Variants in THEM4 observed in about 807,000 individuals in gnomAD.
The protein encoded by THEM4 is thioesterase superfamily member 4, also known as acyl-coenzyme A thioesterase THEM4.
Under a neutral mutation model 25.0 loss-of-function variants are expected in THEM4, and 22 were observed. That is an observed-to-expected ratio of 0.88 (90% CI 0.63 to 1.26). The LOEUF is 1.26. Among genes scored for constraint, THEM4 ranks in the 50% most tolerant of loss-of-function variants. The pLI is 0.00. For synonymous variants in THEM4, 113 were observed against 105.6 expected, an observed-to-expected ratio of 1.07 and a Z score of -0.43; for missense variants, 286 against 300.3, an observed-to-expected ratio of 0.95 and a Z score of 0.35.
chr1:151,890,261 GGTAA>G (rs1203910009), intron 2 of THEM4: 7 of 452,300 alleles, frequency 1.5e-5, no homozygotes, highest in Non-Finnish European at 3.1e-5. Flanking sequence ...ATATACTCTG[GGTAA>G]GTAATAGTGC....
intron 2 of THEM4, chr1:151,890,256 C>G (rs749400545): frequency 4.4e-6 from 2 of 454,970 alleles, no homozygotes; most frequent in South Asian, 3.1e-5. Flanking sequence ...GAACCATATA[C>G]TCTGGGTAAG....
intron 3 of THEM4, 107 bp downstream of exon 3, chr1:151,889,107 T>C (rs1654033236): frequency 1.3e-6 from 1 of 770,858 alleles, no homozygotes; most frequent in Middle Eastern, 4.0e-4. Flanking sequence ...TAAATATACA[T>C]CTATGTGACC....
chr1:151,879,179 G>A (rs1207185313), intron 4 of THEM4, among the ~76,000 whole-genome samples: 1 of 152,058 alleles, frequency 6.6e-6, no homozygotes, highest in African/African-American at 2.4e-5. Flanking sequence ...AAAATGATTA[G>A]AAAGCCTGAA....
chr1:151,886,133 T>C (rs1361717775), intron 4 of THEM4, among the ~76,000 whole-genome samples: 1 of 152,206 alleles, frequency 6.6e-6, no homozygotes, highest in African/African-American at 2.4e-5. Context: ...GTGAAGAGCA[T>C]CAGATTTGGT....
chr1:151,885,152 T>G (rs1055181189), intron 4 of THEM4, among the ~76,000 whole-genome samples: 12 of 151,760 alleles, frequency 7.9e-5, no homozygotes, highest in African/African-American at 2.9e-4. Context: ...GGAGTATCGC[T>G]CTGTTGCCCA....
rs1653635767 is a variant in THEM4 at position 151,874,745 on chromosome 1, CT to C, written c.*142del. On this transcript the variant is annotated 3_prime_UTR_variant, in exon 6 of 6. Coordinates refer to ENST00000368814, the MANE Select transcript of THEM4 (RefSeq NM_053055.5). The stretch of plus-strand genomic sequence containing the variant: ...GTTGAGAAGATGGAAACTGAATCCT[CT>C]TTGTATTCAGAAGGCTGTTTCGGAA... 1.8e-5 allele frequency: 14 copies of C among 757,710 alleles called. No homozygotes were observed. The East Asian group carries it at 3.5e-4, about 19-fold the overall frequency. 46.9% of individuals were successfully genotyped at this position (757,710 alleles called of 1,614,324 possible). A position where few individuals can be genotyped will look rare whatever the true frequency, so the allele number is the denominator to read the frequency against.
intron 1 of THEM4, among the ~76,000 whole-genome samples, chr1:151,903,056 T>C (rs1037182649): frequency 2.0e-5 from 3 of 152,148 alleles, no homozygotes; most frequent in Non-Finnish European, 4.4e-5. Context: ...GTCCTGACTT[T>C]GGAGTATCAG....
At chr1:151,906,329 T>G (rs1316083986) in intron 1 of THEM4, among the ~76,000 whole-genome samples, 4 of 152,254 alleles carry the variant, frequency 2.6e-5, no homozygotes, top group Non-Finnish European at 5.9e-5. Context: ...GCCGGCCCAC[T>G]GGCGCTGCGC....
intron 1 of THEM4, among the ~76,000 whole-genome samples, chr1:151,906,277 C>T (rs531059783): frequency 1.3e-5 from 2 of 152,346 alleles, no homozygotes; most frequent in South Asian, 2.1e-4. Flanking sequence ...GCTTAGCACC[C>T]GGGCCAGTGG....
Position 151,909,401 on chromosome 1 carries a change from C to T in THEM4, c.58G>A (p.Val20Ile). ...TCGCTTCCCGGCAGGCGCCGGCCTA[C>T]TGGCGGCAGGCACAGAGCCCCCAGC... is the stretch of plus-strand genomic sequence containing the variant. ...RTLGALCLPP[V>I]GRRLPGSEPR... The change falls in exon 1 of 6, where the codon GTA (valine) becomes ATA (isoleucine). Residue 20 changes from valine (V) to isoleucine (I), a missense_variant. Val to Ile is a conservative substitution (Grantham distance 29, BLOSUM62 3). Transcript: ENST00000368814. The T allele has an allele frequency of 6.6e-7, 1 of 1,505,280 alleles. No homozygotes were observed. The highest frequency in any genetic ancestry group is 8.8e-7 in the Non-Finnish European group (1 of 1,133,694). 93.2% of individuals were successfully genotyped at this position (1,505,280 alleles called of 1,614,324 possible).
intron 1 of THEM4, 44 bp from the exon 2 acceptor site, chr1:151,895,238 T>C: frequency 4.8e-6 from 7 of 1,462,098 alleles, no homozygotes; most frequent in Non-Finnish European, 5.6e-6. Context: ...GGGAGGTGCA[T>C]TCTATTTCAT....
chr1:151,898,100 G>A (rs983747087), intron 1 of THEM4, among the ~76,000 whole-genome samples: 7 of 152,288 alleles, frequency 4.6e-5, no homozygotes, highest in South Asian at 4.1e-4. Flanking sequence ...GCCAGAACTC[G>A]GGGAGGGCAT....
In THEM4 at chr1:151,908,657, T is replaced by C. The variant is rs891421753; in HGVS notation, c.99+703A>G. Among the ~76,000 whole-genome samples, 3 of 152,268 alleles carry C rather than the reference T, an allele frequency of 2.0e-5. 1 individual carries two copies. The highest frequency in any genetic ancestry group is 7.2e-5 in the African/African-American group (3 of 41,468). ...GATATCTAAGTTGTAATTATATTTA[T>C]AAGGCCTTTATGTTTTCCTTTTCTT... is the stretch of plus-strand genomic sequence containing the variant. On this transcript the variant is annotated intron_variant, in intron 1 of 5. Coordinates refer to ENST00000368814, the MANE Select transcript of THEM4 (RefSeq NM_053055.5).
intron 1 of THEM4, among the ~76,000 whole-genome samples, chr1:151,903,062 A>G (rs918871621): frequency 3.3e-5 from 5 of 152,188 alleles, no homozygotes; most frequent in Non-Finnish European, 5.9e-5. Flanking sequence ...ACTTTGGAGT[A>G]TCAGAGGGTT....
At chr1:151,882,448 T>C (rs529131348) in intron 4 of THEM4, among the ~76,000 whole-genome samples, 168 of 151,550 alleles carry the variant, frequency 1.1e-3, no homozygotes, top group Middle Eastern at 3.4e-3. Flanking sequence ...ATCCTCAAAA[T>C]ATCTCTTTAA....
Position 151,871,549 on chromosome 1 carries a change from G to T in THEM4, c.*3339C>A, listed in dbSNP as rs1653554520. Among the ~76,000 whole-genome samples, 1 of 152,162 alleles carries T rather than the reference G, an allele frequency of 6.6e-6. No homozygotes were observed. Among genetic ancestry groups the T allele is most frequent in the Non-Finnish European group, 1.5e-5 (1 of 68,030 alleles). ...GCAAGAGTGCCAGGGCATGGTGAAG[G>T]CTAGGAATAGTCTGCTGCAAAGCAG... On this transcript the variant is annotated 3_prime_UTR_variant, in exon 6 of 6. Transcript: ENST00000368814.
intron 1 of THEM4, among the ~76,000 whole-genome samples, chr1:151,909,053 T>C (rs1654537120): frequency 6.6e-6 from 1 of 152,208 alleles, no homozygotes; most frequent in South Asian, 2.1e-4. Flanking sequence ...TCAAATATTA[T>C]TGGTAAAATA....
chr1:151,884,983 G>A (rs964473364), intron 4 of THEM4, among the ~76,000 whole-genome samples: 11 of 149,426 alleles, frequency 7.4e-5, no homozygotes, highest in South Asian at 2.1e-4. Flanking sequence ...CACCATGCCC[G>A]GCCTACAATC....
intron 2 of THEM4, 23 bp from the exon 3 acceptor site, chr1:151,889,396 C>T (rs1455601800): frequency 6.2e-7 from 1 of 1,608,002 alleles, no homozygotes; most frequent in Admixed American, 1.7e-5. Context: ...AGGTGGATGG[C>T]AAATGAGAAA....
Sources: gnomAD v4.1 joint callset for allele counts (sites outside exome capture counted in the v4.1 genomes callset) on GRCh38, gnomAD v4.1.1 for gene constraint, MANE v1.5 for transcripts, NCBI Gene and HGNC (gene_info 2026-07-23, HGNC 2026-07-21) for gene names.